The following PIEZO2 variants were observed in gnomAD, a reference collection of about 807,000 sequenced individuals.
PIEZO2 encodes the protein piezo-type mechanosensitive ion channel component 2.
In PIEZO2, 172 loss-of-function variants were observed where a neutral mutation model predicts 337.3. That is an observed-to-expected ratio of 0.51 (90% confidence interval 0.45 to 0.58). The LOEUF is 0.58. Among genes scored for constraint, PIEZO2 ranks in the 20% least tolerant of loss-of-function variants. The pLI, the probability that PIEZO2 is intolerant of heterozygous loss-of-function variation, is 0.00. For missense variants in PIEZO2, 3,028 were observed against 3,391.3 expected, an observed-to-expected ratio of 0.89 and a Z score of 2.66; for synonymous variants, 1,251 against 1,228.5, an observed-to-expected ratio of 1.02 and a Z score of -0.38.
At chr18:11,074,716 G>A (rs563538487) in intron 1 of PIEZO2, among the ~76,000 whole-genome samples, 5 of 152,280 alleles carry the variant, frequency 3.3e-5, no homozygotes, top group South Asian at 2.1e-4. Context: ...ATATAGAAAG[G>A]GGGAAAATCT....
In PIEZO2 at chr18:10,790,009, TTAATTTGAA is replaced by T. The variant is rs2039356066; in HGVS notation, c.1883-653_1883-645del. ...AATTATTTCAAAATAATTATTGGGGTTAATTTGAATAATTTATTCAAACAACTAGTAGAT... is the reference window on the plus strand; with the variant it reads ...AATTATTTCAAAATAATTATTGGGGTTAATTTATTCAAACAACTAGTAGAT... On this transcript the variant is annotated intron_variant, in intron 14 of 55. Coordinates refer to ENST00000674853, the MANE Select transcript of PIEZO2 (RefSeq NM_001378183.1). 2.0e-5 allele frequency among the ~76,000 whole-genome samples: 3 copies of T among 152,194 alleles called. No individual in the cohort carries two copies. The South Asian group carries it at 6.2e-4, about 32-fold the overall frequency.
chr18:10,678,246 T>C (rs889634526), intron 52 of PIEZO2, among the ~76,000 whole-genome samples: 1 of 152,244 alleles, frequency 6.6e-6, no homozygotes, highest in African/African-American at 2.4e-5. Context: ...GAATATTCAG[T>C]CAGAAATTGA....
At chr18:10,798,156 C>G (rs2039678306) in intron 11 of PIEZO2, among the ~76,000 whole-genome samples, 1 of 152,242 alleles carries the variant, frequency 6.6e-6, no homozygotes, top group Non-Finnish European at 1.5e-5. Flanking sequence ...AGCAGCTTGA[C>G]TGCAATCTCA....
At chr18:10,844,891 T>C (rs1323599855) in intron 7 of PIEZO2, among the ~76,000 whole-genome samples, 2 of 151,098 alleles carry the variant, frequency 1.3e-5, no homozygotes, top group African/African-American at 4.9e-5. Flanking sequence ...ACTGACCAAA[T>C]AATGACGGCA....
intron 2 of PIEZO2, among the ~76,000 whole-genome samples, chr18:11,029,561 T>C (rs1459909627): frequency 6.6e-6 from 1 of 152,184 alleles, no homozygotes; most frequent in Non-Finnish European, 1.5e-5. Flanking sequence ...ACTTAAAGTC[T>C]CTTAATGGTT....
chr18:11,034,409 T>C (rs755562881), intron 2 of PIEZO2, among the ~76,000 whole-genome samples: 30 of 152,018 alleles, frequency 2.0e-4, no homozygotes, highest in South Asian at 4.2e-4. Flanking sequence ...CATTCTGCCT[T>C]AGCCTCCTGA....
rs943951010 is a variant in PIEZO2, at chr18:11,146,723, G to A, written c.64+1802C>T. ...GCAATCGCTGCTGGCACTTCATTCC[G>A]CCACTGGTGCCAAGTCACAGAGTGG... On this transcript the variant is annotated intron_variant, in intron 1 of 55. Transcript: ENST00000674853. This position sits in a 1 kb window ranked among gnomAD's most constrained non-coding sequence, Gnocchi z 6.1. 4.6e-5 allele frequency among the ~76,000 whole-genome samples: 7 copies of A among 152,192 alleles called. No individual in the cohort carries two copies. The highest frequency in any genetic ancestry group is 7.3e-5 in the Non-Finnish European group (5 of 68,036).
chr18:10,963,500 T>C (rs1252173933), intron 3 of PIEZO2, among the ~76,000 whole-genome samples: 1 of 152,182 alleles, frequency 6.6e-6, no homozygotes, highest in African/African-American at 2.4e-5. Context: ...AAAATGGTTT[T>C]CCACATTAAC....
intron 2 of PIEZO2, among the ~76,000 whole-genome samples, chr18:11,008,375 C>G (rs1283071323): frequency 7.2e-5 from 11 of 152,216 alleles, no homozygotes; most frequent in Non-Finnish European, 2.9e-5. Context: ...AAATCCCAAA[C>G]ATATGCCCTT....
Position 10,689,769 on chromosome 18 carries a change from C to T in PIEZO2, c.7383G>A (p.Arg2461=). The change falls in exon 49 of 56, where the codon AGG becomes AGA. Residue 2461 remains arginine (R), a synonymous_variant. Coordinates refer to ENST00000674853, the MANE Select transcript of PIEZO2 (RefSeq NM_001378183.1). ...CCGTCCACACCCAGTCCATCACTGC[C>T]CTCAGCTCAGTCAAAAAGGGCACGA... is the stretch of plus-strand genomic sequence containing the variant. ...FRLVPFLTEL[R]AVMDWVWTDT... is the part of the protein sequence containing the mutation. The T allele has an allele frequency of 6.2e-7, 1 of 1,613,442 alleles. No individual in the cohort carries two copies. The highest frequency in any genetic ancestry group is 8.5e-7 in the Non-Finnish European group (1 of 1,179,668).
In PIEZO2 at chr18:10,836,068, T is replaced by C. The variant is rs530733035; in HGVS notation, c.917+19285A>G. 6.6e-5 allele frequency among the ~76,000 whole-genome samples: 10 copies of C among 152,248 alleles called. No homozygotes were observed. The East Asian group carries it at 1.4e-3, about 21-fold the overall frequency. On this transcript the variant is annotated intron_variant, in intron 7 of 55. Transcript: ENST00000674853. ...TTCCTTCCTGTGACTTTATGAACAG[T>C]TTGTGATGATTCCCCCAGGTACTGG...
At chr18:10,806,991 A>G in intron 8 of PIEZO2, 121 bp downstream of exon 8, 2 of 1,032,432 alleles carry the variant, frequency 1.9e-6, no homozygotes, top group African/African-American at 1.6e-5. Flanking sequence ...TCATACCCAG[A>G]ACACTAGAGT....
chr18:11,096,694 A>G lies in PIEZO2; in HGVS notation c.65-30472T>C, dbSNP rs1017716502. ...TCTACCTCTTGTCTTTCAAGGAGAT[A>G]TATCTAAAAACTGTGGAAGTGAAAG... is the stretch of plus-strand genomic sequence containing the variant. On this transcript the variant is annotated intron_variant, in intron 1 of 55. Transcript: ENST00000674853. The surrounding 1 kb of genome is among the most constrained non-coding windows in gnomAD (Gnocchi z 4.6). 3.3e-5 allele frequency among the ~76,000 whole-genome samples: 5 copies of G among 152,194 alleles called. No individual in the cohort carries two copies. Among genetic ancestry groups the G allele is most frequent in the Non-Finnish European group, 7.3e-5 (5 of 68,044 alleles).
chr18:11,141,610 A>C (rs1222840799), intron 1 of PIEZO2, among the ~76,000 whole-genome samples: 3 of 152,214 alleles, frequency 2.0e-5, no homozygotes, highest in African/African-American at 4.8e-5. Flanking sequence ...CTTGCACCCA[A>C]GGCAGCAGTG....
chr18:10,671,952 TA>T (rs1465945418), intron 55 of PIEZO2, among the ~76,000 whole-genome samples, 173 bp from the exon 56 acceptor site: 1 of 152,202 alleles, frequency 6.6e-6, no homozygotes, highest in Non-Finnish European at 1.5e-5. Context: ...ATTATAGAAT[TA>T]TTATAAATAG....
chr18:11,025,320 A>G (rs1445478204), intron 2 of PIEZO2, among the ~76,000 whole-genome samples: 1 of 152,226 alleles, frequency 6.6e-6, no homozygotes, highest in Non-Finnish European at 1.5e-5. Flanking sequence ...TGATCCTCAC[A>G]AATCTGGTGA....
chr18:10,882,195 C>T (rs1187014074), intron 4 of PIEZO2, among the ~76,000 whole-genome samples: 5 of 152,206 alleles, frequency 3.3e-5, no homozygotes, highest in Admixed American at 2.0e-4. Flanking sequence ...TGGCTGATTC[C>T]GTGACCATGG....
intron 4 of PIEZO2, among the ~76,000 whole-genome samples, chr18:10,909,851 A>G (rs1445661010): frequency 6.6e-6 from 1 of 152,214 alleles, no homozygotes; most frequent in African/African-American, 2.4e-5. Context: ...TGACCACCCC[A>G]AATCAACTTC....
intron 1 of PIEZO2, among the ~76,000 whole-genome samples, chr18:11,073,036 T>C (rs1372134578): frequency 2.0e-5 from 3 of 152,256 alleles, no homozygotes; most frequent in Admixed American, 6.5e-5. Context: ...TAAGGCTTTA[T>C]ATTATTTGCA....
Sources: allele counts gnomAD v4.1 joint callset (sites outside exome capture counted in the v4.1 genomes callset), GRCh38; gene constraint gnomAD v4.1.1; non-coding constraint Gnocchi (gnomAD v3.1); transcripts MANE v1.5; gene names NCBI Gene and HGNC (gene_info 2026-07-23, HGNC 2026-07-21).